NEK4: variants seen among roughly 807,000 people sequenced by gnomAD.
NEK4 encodes serine/threonine-protein kinase Nek4.
NEK4 carries 86 observed loss-of-function variants against 98.4 expected under a neutral mutation model. That is an observed-to-expected ratio of 0.87 (90% confidence interval 0.73 to 1.05). The LOEUF is 1.05. Ranked by LOEUF, NEK4 falls within the 50% of genes least tolerant of loss-of-function variation. The probability of loss-of-function intolerance (pLI) is 0.00; values close to 1 mark genes in which losing one functional copy is unlikely to be tolerated. For missense variants in NEK4, 898 were observed against 950.3 expected, an observed-to-expected ratio of 0.94 and a Z score of 0.72; for synonymous variants, 328 against 342.2, an observed-to-expected ratio of 0.96 and a Z score of 0.46.
At chr3:52,723,076 GTGCC>G (rs2097361500) in intron 15 of NEK4, among the ~76,000 whole-genome samples, 1 of 152,006 alleles carries the variant, frequency 6.6e-6, no homozygotes, top group Non-Finnish European at 1.5e-5. Context: ...ATGGTGGCAT[GTGCC>G]TGTAGTTCCA....
chr3:52,743,699 A>G (rs1400868262), intron 11 of NEK4, among the ~76,000 whole-genome samples: 4 of 152,196 alleles, frequency 2.6e-5, no homozygotes, highest in Non-Finnish European at 5.9e-5. Flanking sequence ...TTAGCTGCAA[A>G]ATGAGGATAA....
chr3:52,746,594 T>C, intron 9 of NEK4, 140 bp downstream of exon 9: 3 of 718,302 alleles, frequency 4.2e-6, no homozygotes, highest in Non-Finnish European at 6.9e-6. Flanking sequence ...TGAAAACTAC[T>C]ATTTAGCATC....
chr3:52,770,876 G>A lies in NEK4; in HGVS notation c.-130C>T, dbSNP rs991980294. On this transcript the variant is annotated 5_prime_UTR_variant, in exon 1 of 16. Transcript: ENST00000233027. ...GCTGTTGAGGCAGCCGGGCCCGGGC[G>A]GGATTGCTGGGGCCCGGCCCGCGAC... is the stretch of plus-strand genomic sequence containing the variant. 1 of 747,362 alleles carries A rather than the reference G, an allele frequency of 1.3e-6. No individual in the cohort carries two copies. The highest frequency in any genetic ancestry group is 2.2e-6 in the Non-Finnish European group (1 of 460,354). The allele number at this position is 747,362 out of a possible 1,614,324, so 46.3% of individuals were successfully genotyped here. A position where few individuals can be genotyped will look rare whatever the true frequency, so the allele number is the denominator to read the frequency against.
intron 3 of NEK4, 76 bp from the exon 4 acceptor site, chr3:52,766,070 C>G: frequency 6.9e-7 from 1 of 1,454,786 alleles, no homozygotes; most frequent in Non-Finnish European, 9.5e-7. Context: ...AAAAAGAAAA[C>G]ATTTTCCTTA....
chr3:52,743,161 T>G (rs2097389616), intron 12 of NEK4, 191 bp downstream of exon 12: 2 of 515,996 alleles, frequency 3.9e-6, no homozygotes, highest in Admixed American at 3.2e-5. Context: ...CCTGAAAAAT[T>G]TATTCCCTTA....
intron 15 of NEK4, among the ~76,000 whole-genome samples, chr3:52,725,233 C>T (rs192191): frequency 8.5e-5 from 13 of 152,084 alleles, no homozygotes; most frequent in South Asian, 2.1e-4. Context: ...ATGTACAGGC[C>T]GGGCGCTGCG....
intron 15 of NEK4, among the ~76,000 whole-genome samples, chr3:52,721,950 A>T (rs2097360463): frequency 6.6e-6 from 1 of 152,234 alleles, no homozygotes; most frequent in Non-Finnish European, 1.5e-5. Flanking sequence ...AATCAGTCCG[A>T]AGGCTGAAAG....
chr3:52,759,109 A>G (rs1698247268), intron 6 of NEK4, among the ~76,000 whole-genome samples: 1 of 151,012 alleles, frequency 6.6e-6, no homozygotes, highest in South Asian at 2.1e-4. Context: ...AAAAAAGAAA[A>G]AAAAAAAAAA....
rs1368890257 is a variant in NEK4 at position 52,711,094 on chromosome 3, G to GA, written c.*682dup. On this transcript the variant is annotated 3_prime_UTR_variant, in exon 16 of 16. Transcript: ENST00000233027. Reference sequence around the variant, plus strand: ...TGTTTAAGAAATGTTTTCACTGATGGAAAAATAAATCTAACAAAACCATTA... The same window carrying GA: ...TGTTTAAGAAATGTTTTCACTGATGGAAAAAATAAATCTAACAAAACCATTA... 1 of 152,446 alleles carries GA rather than the reference G, an allele frequency of 6.6e-6. No homozygotes were observed. Among genetic ancestry groups the GA allele is most frequent in the Non-Finnish European group, 1.5e-5 (1 of 67,994 alleles). The allele number at this position is 152,446 out of a possible 1,614,324, so 9.4% of individuals were successfully genotyped here.
intron 15 of NEK4, among the ~76,000 whole-genome samples, chr3:52,717,698 T>A (rs1289595801): frequency 6.6e-6 from 1 of 152,160 alleles, no homozygotes; most frequent in African/African-American, 2.4e-5. Flanking sequence ...TGAACTGACT[T>A]CATTTGCAAC....
chr3:52,734,289 A>C (rs2097372834), intron 15 of NEK4, among the ~76,000 whole-genome samples: 2 of 152,002 alleles, frequency 1.3e-5, no homozygotes, highest in Non-Finnish European at 2.9e-5. Flanking sequence ...TACTCTACTA[A>C]ATATACAACA....
chr3:52,753,395 A>T lies in NEK4; in HGVS notation c.964-1059T>A, dbSNP rs1282350206. The T allele has an allele frequency of 8.5e-6, 3 of 353,674 alleles. No individual in the cohort carries two copies. In the East Asian group the frequency reaches 2.3e-4, roughly 27 times the overall value. 21.9% of individuals were successfully genotyped at this position (353,674 alleles called of 1,614,324 possible). A position where few individuals can be genotyped will look rare whatever the true frequency, so the allele number is the denominator to read the frequency against. ...GAGATGCCGCTGGGCCACAAAGGTG[A>T]TAGGCAGCTGGGAACTCTACATTGA... On this transcript the variant is annotated intron_variant, in intron 6 of 15. Transcript: ENST00000233027.
intron 7 of NEK4, among the ~76,000 whole-genome samples, chr3:52,750,068 A>G (rs2097402581): frequency 6.6e-6 from 1 of 152,232 alleles, no homozygotes; most frequent in African/African-American, 2.4e-5. Flanking sequence ...ACATAGAGTT[A>G]CCATATGACC....
In NEK4 at chr3:52,743,162, T is replaced by C; in HGVS notation, c.2004+190A>G. ...TGTTTACAAGAGTACCTGAAAAATT[T>C]ATTCCCTTAATGGGTCAATCATAAT... On this transcript the variant is annotated intron_variant, in intron 12 of 15. Transcript: ENST00000233027. 3 of 518,548 alleles carry C rather than the reference T, an allele frequency of 5.8e-6. No individual in the cohort carries two copies. The Middle Eastern group carries it at 1.3e-3, about 216-fold the overall frequency. 32.1% of individuals were successfully genotyped at this position (518,548 alleles called of 1,614,324 possible).
At chr3:52,765,282 T>C (rs1698511627) in intron 4 of NEK4, among the ~76,000 whole-genome samples, 1 of 146,930 alleles carries the variant, frequency 6.8e-6, no homozygotes, top group African/African-American at 2.5e-5. Context: ...ACCTAGGAGG[T>C]AGAGGTTGCT....
At chr3:52,748,340 C>T (rs538191622) in intron 8 of NEK4, among the ~76,000 whole-genome samples, 3 of 152,062 alleles carry the variant, frequency 2.0e-5, no homozygotes, top group Non-Finnish European at 4.4e-5. Flanking sequence ...GCAGTGTTGA[C>T]AGGCAAAGAC....
intron 15 of NEK4, among the ~76,000 whole-genome samples, chr3:52,728,682 C>T (rs11130321): frequency 0.43 from 65,840 of 151,900 alleles, 14,505 homozygotes; most frequent in Admixed American, 0.51. Context: ...CCTGAGGGGT[C>T]GGGCAAAATA....
intron 15 of NEK4, among the ~76,000 whole-genome samples, chr3:52,712,325 G>C (rs1187698058): frequency 1.3e-5 from 2 of 152,214 alleles, no homozygotes; most frequent in Non-Finnish European, 2.9e-5. Context: ...ATGGGGGTGT[G>C]GCTCGCTTCT....
chr3:52,758,175 T>A (rs1698202576), intron 6 of NEK4, among the ~76,000 whole-genome samples: 5 of 60,842 alleles, frequency 8.2e-5, no homozygotes, highest in South Asian at 5.4e-4. Context: ...CAAGACACCA[T>A]CTCAAAAAAA....
Sources: gnomAD v4.1 joint callset for allele counts (sites outside exome capture counted in the v4.1 genomes callset) on GRCh38, gnomAD v4.1.1 for gene constraint, MANE v1.5 for transcripts, NCBI Gene and HGNC (gene_info 2026-07-23, HGNC 2026-07-21) for gene names.